The following PIR variants were observed in gnomAD, a reference collection of about 807,000 sequenced individuals.
The protein encoded by PIR is pirin.
In PIR, 22 loss-of-function variants were observed where a neutral mutation model predicts 24.2. The observed-to-expected ratio is 0.91, with a 90% CI of 0.65 to 1.30. The LOEUF (loss-of-function observed/expected upper bound fraction) is 1.30. Among genes scored for constraint, PIR ranks in the 50% most tolerant of loss-of-function variants. The pLI, the probability that PIR is intolerant of heterozygous loss-of-function variation, is 0.00. For synonymous variants in PIR, 80 were observed against 79.6 expected (o/e 1.00, Z -0.03); for missense variants, 220 against 220.3 (o/e 1.00, Z 0.01).
intron 5 of PIR, among the ~76,000 whole-genome samples, chrX:15,445,267 T>A (rs761749607): frequency 9.0e-6 from 1 of 111,673 alleles, no homozygotes; most frequent in Admixed American, 9.5e-5. Context: ...TTATAGTTGA[T>A]CTAGGGTAGA....
rs759903055 is a variant in PIR at position 15,447,706 on chromosome X, C to CAGCT, written c.480+8138_480+8141dup. On this transcript the variant is annotated intron_variant, in intron 5 of 9. Coordinates refer to ENST00000380420, the MANE Select transcript of PIR (RefSeq NM_001018109.3). ...AATGCAACATGCAAGAGTCTCAAGA[C>CAGCT]AGCTCTCTGAAGCTGTCCTGCATTT... Among the ~76,000 whole-genome samples the CAGCT allele has an allele frequency of 5.4e-5, 6 of 112,133 alleles. No homozygotes were observed. In the Admixed American group the frequency reaches 5.7e-4, roughly 11 times the overall value.
Position 15,423,615 on chromosome X carries a change from T to TAAAA in PIR, c.565+2287_565+2290dup, listed in dbSNP as rs151069667. ...TGGGTGACAGAGCAAGACTCTGTCT[T>TAAAA]AAAAAAAAAAATAGTGAAGAGACAA... is the stretch of plus-strand genomic sequence containing the variant. On this transcript the variant is annotated intron_variant, in intron 6 of 9. Coordinates refer to ENST00000380420, the MANE Select transcript of PIR (RefSeq NM_001018109.3). Among the ~76,000 whole-genome samples the TAAAA allele has an allele frequency of 5.1e-3, 525 of 103,160 alleles. 1 individual carries two copies. Among genetic ancestry groups the TAAAA allele is most frequent in the African/African-American group, 0.015 (435 of 28,262 alleles). 89.6% of individuals were successfully genotyped at this position (103,160 alleles called of 115,157 possible).
In PIR at chrX:15,396,258, C is replaced by A. The variant is rs780335320; in HGVS notation, c.693+1191G>T. On this transcript the variant is annotated intron_variant, in intron 8 of 9. Coordinates refer to ENST00000380420, the MANE Select transcript of PIR (RefSeq NM_001018109.3). ...CACTGACCCTGACATATGCATTTTTCTAGTGCTCATCAGGTTTTTCTTCCG... is the reference window on the plus strand; with the variant it reads ...CACTGACCCTGACATATGCATTTTTATAGTGCTCATCAGGTTTTTCTTCCG... Among the ~76,000 whole-genome samples, 7 of 111,567 alleles carry A rather than the reference C, an allele frequency of 6.3e-5. 1 individual carries two copies. In the South Asian group the frequency reaches 2.7e-3, roughly 43 times the overall value.
chrX:15,436,115 G>A (rs754560392), intron 5 of PIR, among the ~76,000 whole-genome samples: 1 of 112,303 alleles, frequency 8.9e-6, no homozygotes, highest in Admixed American at 9.4e-5. Context: ...GGGAGTTAGA[G>A]AGGGCCAAAA....
chrX:15,488,302 AAAAGAAAGAAAAAG>A (rs1455551254), intron 2 of PIR, among the ~76,000 whole-genome samples: 6 of 54,493 alleles, frequency 1.1e-4, no homozygotes, highest in African/African-American at 4.3e-4. Flanking sequence ...AAAAAAAAAG[AAAAGAAAGAAAAAG>A]AAAAAGAAAG....
intron 5 of PIR, among the ~76,000 whole-genome samples, chrX:15,442,257 A>G (rs1336061635): frequency 1.8e-5 from 2 of 110,806 alleles, no homozygotes; most frequent in Admixed American, 9.6e-5. Context: ...TGATGTTACT[A>G]TTGAAATTGT....
At chrX:15,446,684 T>A (rs368286387) in intron 5 of PIR, among the ~76,000 whole-genome samples, 4 of 111,422 alleles carry the variant, frequency 3.6e-5, no homozygotes, top group African/African-American at 1.3e-4. Context: ...TGCTTTCCCA[T>A]TAGCCTGCCA....
rs763677923 is a variant in PIR at position 15,459,675 on chromosome X, C to T, written c.255G>A (p.Met85Ile). 4 of 1,193,547 alleles carry T rather than the reference C, an allele frequency of 3.4e-6. No homozygotes were observed. Among genetic ancestry groups the T allele is most frequent in the African/African-American group, 3.5e-5 (2 of 57,488 alleles). Residue 85 changes from methionine to isoleucine, a missense_variant, in exon 4 of 10, where the codon ATG becomes ATA. By Grantham distance (10) the Met-to-Ile change is conservative. Transcript: ENST00000380420. ...HEDFCGHTGK[M>I]NPGDLQWMTA... ...GCCATACCTGCAAATCTCCTGGGTTCATTTTACCAGTGTGTCCACAGAAGT... is the reference window on the plus strand; with the variant it reads ...GCCATACCTGCAAATCTCCTGGGTTTATTTTACCAGTGTGTCCACAGAAGT...
At chrX:15,404,823 G>T (rs1924503758) in intron 7 of PIR, among the ~76,000 whole-genome samples, 1 of 111,573 alleles carries the variant, frequency 9.0e-6, no homozygotes, top group African/African-American at 3.3e-5. Context: ...AGGTCATTTA[G>T]CCAGCCACTC....
chrX:15,490,258 G>T (rs1017608763), intron 2 of PIR, among the ~76,000 whole-genome samples: 1 of 111,169 alleles, frequency 9.0e-6, no homozygotes, highest in African/African-American at 3.3e-5. Context: ...CATTGAGGAA[G>T]GCCAGGAGTT....
intron 3 of PIR, among the ~76,000 whole-genome samples, chrX:15,470,232 A>T (rs1241005235): frequency 1.8e-5 from 2 of 111,306 alleles, no homozygotes; most frequent in Non-Finnish European, 3.8e-5. Context: ...GGAGATAACA[A>T]TTTTTACTTT....
chrX:15,412,999 G>A (rs1337819422), intron 6 of PIR, among the ~76,000 whole-genome samples: 1 of 112,036 alleles, frequency 8.9e-6, no homozygotes, highest in Non-Finnish European at 1.9e-5. Flanking sequence ...GAGCTGTTGT[G>A]ATGAACACAG....
intron 8 of PIR, among the ~76,000 whole-genome samples, chrX:15,392,571 GA>G (rs1923992995): frequency 9.0e-6 from 1 of 111,560 alleles, no homozygotes; most frequent in East Asian, 2.8e-4. Flanking sequence ...TATTTGACAT[GA>G]CAGAAATTTG....
At chrX:15,467,590 A>T (rs1921668087) in intron 3 of PIR, among the ~76,000 whole-genome samples, 2 of 112,203 alleles carry the variant, frequency 1.8e-5, no homozygotes, top group Admixed American at 9.4e-5. Flanking sequence ...AAGATCCCAA[A>T]GCTACAGGAT....
chrX:15,472,405 C>A (rs1228624702), intron 3 of PIR, among the ~76,000 whole-genome samples: 1 of 111,796 alleles, frequency 8.9e-6, no homozygotes, highest in Non-Finnish European at 1.9e-5. Context: ...ATGGAAACAA[C>A]CCAAGTGTCC....
intron 3 of PIR, 104 bp downstream of exon 3, chrX:15,479,625 G>T: frequency 2.7e-6 from 1 of 364,234 alleles, no homozygotes; most frequent in South Asian, 8.8e-5. Flanking sequence ...ACTTATAAAT[G>T]AATTTTTAGC....
chrX:15,407,678 T>G, intron 6 of PIR, 128 bp from the exon 7 acceptor site: 1 of 513,270 alleles, frequency 1.9e-6, no homozygotes, highest in East Asian at 3.4e-5. Flanking sequence ...GATAGACATT[T>G]TAAGATTTAA....
At chrX:15,452,689 T>G (rs1421122821) in intron 5 of PIR, among the ~76,000 whole-genome samples, 2 of 112,031 alleles carry the variant, frequency 1.8e-5, no homozygotes, top group Admixed American at 1.9e-4. Flanking sequence ...TTGGATCCCA[T>G]ACCCATTATG....
intron 6 of PIR, among the ~76,000 whole-genome samples, chrX:15,414,339 T>G (rs1003066679): frequency 8.9e-6 from 1 of 112,573 alleles, no homozygotes; most frequent in Admixed American, 9.4e-5. Context: ...TAAAGTAATA[T>G]ATGCTACTAC....
Sources: allele counts gnomAD v4.1 joint callset (sites outside exome capture counted in the v4.1 genomes callset), GRCh38; gene constraint gnomAD v4.1.1; transcripts MANE v1.5; gene names NCBI Gene and HGNC (gene_info 2026-07-23, HGNC 2026-07-21).